Variants in RFX3 observed in about 807,000 individuals in gnomAD.
RFX3 encodes the protein transcription factor RFX3.
In RFX3, 14 loss-of-function variants were observed where a neutral mutation model predicts 98.6. The observed-to-expected ratio is 0.14, with a 90% CI of 0.09 to 0.22. RFX3 has a LOEUF of 0.22. Among genes scored for constraint, RFX3 ranks in the 10% least tolerant of loss-of-function variants. The pLI, the probability that RFX3 is intolerant of heterozygous loss-of-function variation, is 1.00. For missense variants in RFX3, 639 were observed against 926.9 expected (o/e 0.69, Z 4.03); for synonymous variants, 383 against 328.4 (o/e 1.17, Z -1.80).
chr9:3,376,366 C>T (rs1838493621), intron 2 of RFX3, among the ~76,000 whole-genome samples: 1 of 152,028 alleles, frequency 6.6e-6, no homozygotes. Flanking sequence ...AAACCTATGC[C>T]CTGAGAATAT....
At chr9:3,448,948 A>T (rs756348779) in intron 1 of RFX3, among the ~76,000 whole-genome samples, 1 of 152,150 alleles carries the variant, frequency 6.6e-6, no homozygotes, top group Admixed American at 6.5e-5. Context: ...GGCCCTAAGA[A>T]TTTGCACCTA....
intron 1 of RFX3, among the ~76,000 whole-genome samples, chr9:3,493,044 T>C (rs766053773): frequency 6.6e-6 from 1 of 152,130 alleles, no homozygotes; most frequent in African/African-American, 2.4e-5. Flanking sequence ...ATAGTAGTAG[T>C]AGTCATAAAT....
chr9:3,338,728 A>T (rs1411814998), intron 3 of RFX3, among the ~76,000 whole-genome samples: 1 of 152,200 alleles, frequency 6.6e-6, no homozygotes, highest in African/African-American at 2.4e-5. Context: ...TTTGGGAACC[A>T]TTGTACTAGT....
chr9:3,505,640 T>A (rs1817014244), intron 1 of RFX3, among the ~76,000 whole-genome samples: 1 of 150,840 alleles, frequency 6.6e-6, no homozygotes, highest in East Asian at 1.9e-4. Flanking sequence ...ATTATAAATA[T>A]ACAAAGCCAC....
At chr9:3,397,214 T>C (rs1426541331) in intron 1 of RFX3, among the ~76,000 whole-genome samples, 1 of 152,220 alleles carries the variant, frequency 6.6e-6, no homozygotes, top group Non-Finnish European at 1.5e-5. Context: ...TGACATCCCC[T>C]TTTACTACTT....
intron 2 of RFX3, among the ~76,000 whole-genome samples, chr9:3,380,015 C>G (rs1024069527): frequency 6.6e-6 from 1 of 151,946 alleles, no homozygotes; most frequent in Non-Finnish European, 1.5e-5. Flanking sequence ...CAACCTCTGC[C>G]TCCCAGGTTC....
In RFX3 at chr9:3,453,066, G is replaced by A. The variant is rs538708800; in HGVS notation, c.-8-57470C>T. On this transcript the variant is annotated intron_variant, in intron 1 of 16. Transcript: ENST00000617270. ...CTTCATCTGCAAAACTGGAATAACA[G>A]TACGCACATCCCGTAAGACTGTTGG... Among the ~76,000 whole-genome samples the A allele has an allele frequency of 3.9e-5, 6 of 152,196 alleles. No individual in the cohort carries two copies. In the East Asian group the frequency reaches 7.7e-4, roughly 20 times the overall value.
intron 1 of RFX3, among the ~76,000 whole-genome samples, chr9:3,396,670 G>A (rs917880062): frequency 2.0e-5 from 3 of 152,142 alleles, no homozygotes. Flanking sequence ...GTGTAAAAGT[G>A]TTCCTATTTC....
chr9:3,301,699 C>T (rs1828679072), intron 4 of RFX3, 79 bp from the exon 5 acceptor site: 1 of 1,015,896 alleles, frequency 9.8e-7, no homozygotes, highest in Non-Finnish European at 1.5e-6. Flanking sequence ...CTGATAGATT[C>T]TTTAAAGTCC....
At chr9:3,334,008 T>C (rs373554557) in intron 3 of RFX3, among the ~76,000 whole-genome samples, 1 of 152,168 alleles carries the variant, frequency 6.6e-6, no homozygotes, top group Non-Finnish European at 1.5e-5. Flanking sequence ...GAAGTTTGGA[T>C]TGGTTGAATT....
intron 1 of RFX3, among the ~76,000 whole-genome samples, chr9:3,521,017 T>C (rs115224530): frequency 0.017 from 2,657 of 152,304 alleles, 94 homozygotes; most frequent in African/African-American, 0.06. Flanking sequence ...TTATTATGAA[T>C]TAGCCTGATA....
At chr9:3,503,366 C>T (rs1816261566) in intron 1 of RFX3, among the ~76,000 whole-genome samples, 2 of 151,836 alleles carry the variant, frequency 1.3e-5, no homozygotes, top group South Asian at 4.2e-4. Context: ...TGTCTATTTC[C>T]TTAAATAACT....
rs556167320 is a variant in RFX3 at position 3,271,390 on chromosome 9, T to C, written c.1087-272A>G. Among the ~76,000 whole-genome samples the C allele has an allele frequency of 9.9e-4, 150 of 152,184 alleles. 1 individual carries two copies. The highest frequency in any genetic ancestry group is 3.5e-3 in the African/African-American group (147 of 41,520). On this transcript the variant is annotated intron_variant, in intron 9 of 16. Coordinates refer to ENST00000617270, the MANE Select transcript of RFX3 (RefSeq NM_001282116.2). Reference sequence around the variant, plus strand: ...TTCATGCCACCCTCACTTCTACCTCTTTTTTCTTCCATTTTTCATTTTTGC... The same window carrying C: ...TTCATGCCACCCTCACTTCTACCTCCTTTTTCTTCCATTTTTCATTTTTGC...
intron 9 of RFX3, 158 bp downstream of exon 9, chr9:3,275,342 C>A: frequency 2.1e-6 from 1 of 466,078 alleles, no homozygotes; most frequent in African/African-American, 2.0e-5. Context: ...ACTCTGAGAC[C>A]AGAAAGAAGA....
At chr9:3,307,021 G>A (rs958586541) in intron 4 of RFX3, among the ~76,000 whole-genome samples, 1 of 151,964 alleles carries the variant, frequency 6.6e-6, no homozygotes, top group African/African-American at 2.4e-5. Context: ...ATAATGAATC[G>A]ATCTCATGAG....
At chr9:3,290,703 T>C (rs1223980678) in intron 6 of RFX3, among the ~76,000 whole-genome samples, 2 of 152,204 alleles carry the variant, frequency 1.3e-5, no homozygotes, top group South Asian at 4.1e-4. Context: ...AGGAAACATA[T>C]TTATGAGAGA....
chr9:3,525,452 G>A (rs1445184517), intron 1 of RFX3, among the ~76,000 whole-genome samples: 1 of 152,116 alleles, frequency 6.6e-6, no homozygotes, highest in Non-Finnish European at 1.5e-5. Flanking sequence ...CGCTCGGCTC[G>A]CAGCCCCCCA....
chr9:3,255,287 G>A (rs1397358619), intron 14 of RFX3, among the ~76,000 whole-genome samples: 2 of 152,180 alleles, frequency 1.3e-5, no homozygotes, highest in East Asian at 3.9e-4. Flanking sequence ...AAAGCAATAT[G>A]GAAATCCTAT....
chr9:3,452,816 G>A (rs1334243203), intron 1 of RFX3, among the ~76,000 whole-genome samples: 2 of 152,154 alleles, frequency 1.3e-5, no homozygotes, highest in Non-Finnish European at 2.9e-5. Flanking sequence ...ATAGGTTTCT[G>A]ATTTCAACCT....
Sources: gnomAD v4.1 joint callset for allele counts (sites outside exome capture counted in the v4.1 genomes callset) on GRCh38, gnomAD v4.1.1 for gene constraint, MANE v1.5 for transcripts, NCBI Gene and HGNC (gene_info 2026-07-23, HGNC 2026-07-21) for gene names.